COL22A1: variants seen among roughly 807,000 people sequenced by gnomAD.
The protein encoded by COL22A1 is collagen type XXII alpha 1 chain, also known as collagen alpha-1(XXII) chain.
Under a neutral mutation model 248.9 loss-of-function variants are expected in COL22A1, and 221 were observed. The ratio of observed to expected loss-of-function variants is 0.89; its 90% confidence interval spans 0.80 to 0.99. The LOEUF is 0.99. COL22A1 is among the 50% of genes least tolerant of loss of function. The pLI is 0.00. For synonymous variants in COL22A1, 891 were observed against 793.4 expected, an observed-to-expected ratio of 1.12 and a Z score of -2.07; for missense variants, 2,240 against 2,179.0, an observed-to-expected ratio of 1.03 and a Z score of -0.56.
chr8:138,850,118 A>C (rs930000109), intron 3 of COL22A1, among the ~76,000 whole-genome samples: 2 of 152,158 alleles, frequency 1.3e-5, no homozygotes, highest in Admixed American at 1.3e-4. Flanking sequence ...GGGTTCAGAC[A>C]TTGGGTTCTT....
chr8:138,601,414 C>T (rs1817997969), intron 60 of COL22A1, among the ~76,000 whole-genome samples: 1 of 152,016 alleles, frequency 6.6e-6, no homozygotes, highest in Admixed American at 6.6e-5. Flanking sequence ...CTTTTCAGGA[C>T]CATGGAAAAC....
intron 21 of COL22A1, among the ~76,000 whole-genome samples, chr8:138,754,314 A>G (rs1267828208): frequency 6.6e-6 from 1 of 152,088 alleles, no homozygotes; most frequent in Admixed American, 6.5e-5. Flanking sequence ...TCACAGAGAC[A>G]TAAGTTAGAT....
intron 56 of COL22A1, 145 bp downstream of exon 56, chr8:138,613,722 G>A: frequency 1.3e-6 from 1 of 785,142 alleles, no homozygotes; most frequent in Non-Finnish European, 2.3e-6. Context: ...GGGGGACTTA[G>A]GGGGGCAGCT....
chr8:138,768,020 CAGGATGG>C (rs1834042372), intron 16 of COL22A1, among the ~76,000 whole-genome samples: 1 of 152,202 alleles, frequency 6.6e-6, no homozygotes, highest in Non-Finnish European at 1.5e-5. Flanking sequence ...CTTTGATGAG[CAGGATGG>C]CCCAGGTGTC....
At chr8:138,702,858 C>T (rs1828078568) in intron 31 of COL22A1, among the ~76,000 whole-genome samples, 1 of 152,142 alleles carries the variant, frequency 6.6e-6, no homozygotes, top group African/African-American at 2.4e-5. Flanking sequence ...TGGTGAATGA[C>T]AGAGCTGGGA....
chr8:138,662,947 C>T (rs190950326), intron 42 of COL22A1, among the ~76,000 whole-genome samples: 6 of 148,830 alleles, frequency 4.0e-5, no homozygotes, highest in East Asian at 2.0e-4. Flanking sequence ...ACCCAGGAGG[C>T]GGAGATTGCA....
At chr8:138,847,568 T>C (rs1440627891) in intron 3 of COL22A1, among the ~76,000 whole-genome samples, 1 of 152,190 alleles carries the variant, frequency 6.6e-6, no homozygotes, top group Non-Finnish European at 1.5e-5. Flanking sequence ...GGATGTGTGA[T>C]TCAGGGCTGT....
chr8:138,592,038 G>C (rs1312074659), intron 63 of COL22A1, among the ~76,000 whole-genome samples: 2 of 152,166 alleles, frequency 1.3e-5, no homozygotes, highest in Non-Finnish European at 2.9e-5. Context: ...AATTCAACAC[G>C]CATGTGGGCA....
At chr8:138,704,975 G>T (rs547683695) in intron 30 of COL22A1, among the ~76,000 whole-genome samples, 1 of 152,132 alleles carries the variant, frequency 6.6e-6, no homozygotes, top group Admixed American at 6.5e-5. Context: ...TGAGAACTAC[G>T]TGATGCATGC....
chr8:138,702,121 G>C (rs916916785), intron 31 of COL22A1, among the ~76,000 whole-genome samples: 3 of 152,136 alleles, frequency 2.0e-5, no homozygotes, highest in African/African-American at 7.2e-5. Context: ...TAAGCTTAGG[G>C]GTAGGCACTT....
chr8:138,841,900 C>T (rs554719808), intron 4 of COL22A1, among the ~76,000 whole-genome samples: 3 of 152,168 alleles, frequency 2.0e-5, no homozygotes, highest in East Asian at 1.9e-4. Context: ...AATATTGCAA[C>T]GCAGCCTATT....
At chr8:138,846,414 G>A (rs879687120) in intron 3 of COL22A1, among the ~76,000 whole-genome samples, 45 of 152,146 alleles carry the variant, frequency 3.0e-4, no homozygotes, top group Middle Eastern at 3.2e-3. Context: ...GGAGGACCAC[G>A]CACACAGAAA....
intron 22 of COL22A1, among the ~76,000 whole-genome samples, chr8:138,745,420 A>G (rs1832027108): frequency 6.6e-6 from 1 of 152,134 alleles, no homozygotes; most frequent in Non-Finnish European, 1.5e-5. Flanking sequence ...GATTATATTA[A>G]TGTCATTACC....
intron 60 of COL22A1, among the ~76,000 whole-genome samples, chr8:138,601,470 G>A (rs747919502): frequency 6.6e-6 from 1 of 152,146 alleles, no homozygotes. Flanking sequence ...TGTCCGTGTC[G>A]TGCAACAGTG....
intron 50 of COL22A1, 84 bp from the exon 51 acceptor site, chr8:138,626,327 TG>T (rs1820236282): frequency 9.2e-7 from 1 of 1,087,400 alleles, no homozygotes. Flanking sequence ...ACTGCATTCA[TG>T]GGTTGGGGGA....
At chr8:138,706,469 C>G (rs1828460835) in intron 30 of COL22A1, among the ~76,000 whole-genome samples, 1 of 152,142 alleles carries the variant, frequency 6.6e-6, no homozygotes. Flanking sequence ...AACTAGAATG[C>G]AGGATTAAGA....
intron 37 of COL22A1, among the ~76,000 whole-genome samples, chr8:138,687,273 A>G (rs1826434619): frequency 6.6e-6 from 1 of 152,212 alleles, no homozygotes; most frequent in Non-Finnish European, 1.5e-5. Flanking sequence ...GTTATTATTA[A>G]GCCTATGATC....
chr8:138,761,357 A>C (rs182562937), intron 17 of COL22A1, among the ~76,000 whole-genome samples: 1 of 152,348 alleles, frequency 6.6e-6, no homozygotes, highest in Non-Finnish European at 1.5e-5. Context: ...TTAACTGGTC[A>C]TTTGAGTCAG....
chr8:138,634,726 C>A (rs998072910), intron 49 of COL22A1, among the ~76,000 whole-genome samples: 1 of 152,154 alleles, frequency 6.6e-6, no homozygotes, highest in Non-Finnish European at 1.5e-5. Flanking sequence ...TCCTACCCAC[C>A]AAAGCTCAAT....
Sources: gnomAD v4.1 joint callset for allele counts (sites outside exome capture counted in the v4.1 genomes callset) on GRCh38, gnomAD v4.1.1 for gene constraint, MANE v1.5 for transcripts, NCBI Gene and HGNC (gene_info 2026-07-23, HGNC 2026-07-21) for gene names.